Variants in UTY observed in about 807,000 individuals in gnomAD.
UTY encodes the protein ubiquitously transcribed tetratricopeptide repeat containing, Y-linked, also known as histone demethylase UTY.
Under a neutral mutation model 32.5 loss-of-function variants are expected in UTY, and 12 were observed. That is an observed-to-expected ratio of 0.37 (90% CI 0.24 to 0.60). UTY has a LOEUF of 0.60. UTY is among the 20% of genes least tolerant of loss of function. The pLI, the probability that UTY is intolerant of heterozygous loss-of-function variation, is 0.69. For synonymous variants in UTY, 131 were observed against 103.4 expected (o/e 1.27, Z -1.62); for missense variants, 303 against 299.2 (o/e 1.01, Z -0.09).
At chrY:13,458,300 A>T (rs2150158158) in intron 3 of UTY, among the ~76,000 whole-genome samples, 1 of 32,643 alleles carries the variant, frequency 3.1e-5, no homozygotes. Context: ...GGCTGGGTCA[A>T]ATGGTATTTC....
At chrY:13,251,831 GT>G (rs2054181215) in intron 28 of UTY, among the ~76,000 whole-genome samples, 1 of 33,385 alleles carries the variant, frequency 3.0e-5, no homozygotes, top group Non-Finnish European at 7.4e-5. Flanking sequence ...GAGAAAACAT[GT>G]CTTTCAATTT....
intron 4 of UTY, among the ~76,000 whole-genome samples, chrY:13,428,410 T>C (rs776527969): frequency 2.4e-4 from 8 of 33,715 alleles, no homozygotes; most frequent in Admixed American, 1.6e-3. Context: ...TATGTGGCTA[T>C]CCAATTTTCC....
intron 4 of UTY, among the ~76,000 whole-genome samples, chrY:13,446,965 T>A (rs1603466389): frequency 3.2e-5 from 1 of 31,325 alleles, no homozygotes. Flanking sequence ...TAAAAAAAAA[T>A]TTTTTTTTTA....
chrY:13,333,701 A>G, intron 18 of UTY, among the ~76,000 whole-genome samples: 2 of 34,220 alleles, frequency 5.8e-5, no homozygotes, highest in South Asian at 1.3e-3. Context: ...AGCAAATGCA[A>G]CAAAAGCCAA....
downstream of UTY, chrY:13,248,377 A>C (rs2053979502): frequency 2.9e-5 from 1 of 34,904 alleles, no homozygotes; most frequent in Non-Finnish European, 7.0e-5. Flanking sequence ...TGCTTCAGAA[A>C]GGAGAGGTAG....
chrY:13,389,974 G>A, intron 8 of UTY, among the ~76,000 whole-genome samples: 1 of 33,577 alleles, frequency 3.0e-5, no homozygotes, highest in Non-Finnish European at 7.4e-5. Flanking sequence ...GTCATCTTCA[G>A]CTTCCTTCAC....
chrY:13,361,769 A>G, intron 10 of UTY, among the ~76,000 whole-genome samples: 1 of 33,674 alleles, frequency 3.0e-5, no homozygotes, highest in East Asian at 7.8e-4. Flanking sequence ...AGAGATTTTA[A>G]TTTGGAATTT....
At chrY:13,295,454 A>G (rs2057973285) in intron 27 of UTY, among the ~76,000 whole-genome samples, 1 of 33,581 alleles carries the variant, frequency 3.0e-5, no homozygotes, top group African/African-American at 1.2e-4. Flanking sequence ...CATTGAATTT[A>G]GGGGAACAAA....
chrY:13,296,766 TTCA>T (rs2058056664), intron 27 of UTY, among the ~76,000 whole-genome samples: 1 of 32,817 alleles, frequency 3.0e-5, no homozygotes, highest in Non-Finnish European at 7.4e-5. Flanking sequence ...TCCCAGTAAG[TTCA>T]TCATTTCCAT....
At chrY:13,405,387 G>A in intron 6 of UTY, among the ~76,000 whole-genome samples, 2 of 32,708 alleles carry the variant, frequency 6.1e-5, no homozygotes, top group African/African-American at 2.4e-4. Context: ...GAAATATAGA[G>A]TAGAACAGTG....
chrY:13,434,991 G>A (rs2074393642), intron 4 of UTY, among the ~76,000 whole-genome samples: 1 of 33,090 alleles, frequency 3.0e-5, no homozygotes, highest in South Asian at 6.6e-4. Context: ...TCTGCACATG[G>A]AACATTCTCC....
intron 5 of UTY, 56 bp downstream of exon 5, chrY:13,414,679 G>C: frequency 3.3e-6 from 1 of 301,579 alleles, no homozygotes; most frequent in Non-Finnish European, 4.9e-6. Context: ...GGAAATGTAT[G>C]GTTACAGACA....
At chrY:13,457,861 C>A (rs2076899233) in intron 3 of UTY, among the ~76,000 whole-genome samples, 1 of 33,295 alleles carries the variant, frequency 3.0e-5, no homozygotes, top group South Asian at 6.6e-4. Context: ...CTATTAACAT[C>A]ATCAAAAATA....
chrY:13,265,149 T>C, intron 27 of UTY, among the ~76,000 whole-genome samples: 1 of 33,881 alleles, frequency 3.0e-5, no homozygotes, highest in Non-Finnish European at 7.3e-5. Context: ...TGTAGCCTTG[T>C]AGTATAGTTC....
At chrY:13,251,818 CAAGA>C (rs2054177676) in intron 28 of UTY, among the ~76,000 whole-genome samples, 1 of 33,500 alleles carries the variant, frequency 3.0e-5, no homozygotes, top group Non-Finnish European at 7.4e-5. Flanking sequence ...ATTAATCTAA[CAAGA>C]GAAAACATGT....
chrY:13,264,705 G>A, intron 27 of UTY, among the ~76,000 whole-genome samples: 2 of 32,681 alleles, frequency 6.1e-5, no homozygotes, highest in African/African-American at 2.4e-4. Context: ...CCATTCTGTA[G>A]GATGCCTATT....
At chrY:13,396,863 A>G in intron 7 of UTY, 55 bp downstream of exon 7, 2 of 237,688 alleles carry the variant, frequency 8.4e-6, no homozygotes, top group East Asian at 2.5e-4. Flanking sequence ...ATCAGTAGAA[A>G]AAAAGGTATC....
intron 4 of UTY, among the ~76,000 whole-genome samples, chrY:13,421,406 C>T: frequency 3.0e-5 from 1 of 33,303 alleles, no homozygotes; most frequent in Non-Finnish European, 7.4e-5. Context: ...AGTATATTCT[C>T]ACTATATTAT....
rs1337829723 is a variant in UTY, at chrY:13,479,335, C to T, written c.153-18G>A. 2.5e-6 allele frequency: 1 copy of T among 396,692 alleles called. No individual in the cohort carries two copies. Among genetic ancestry groups the T allele is most frequent in the Non-Finnish European group, 3.5e-6 (1 of 282,084 alleles). On this transcript the variant is annotated intron_variant, in intron 1 of 29. Transcript: ENST00000545955. ...AGAGACGGCTGTAGAGAGAGAGACA[C>T]AGAGCTTGTTAATGGTCTGAGAAAG...
Sources: gnomAD v4.1 joint callset for allele counts (sites outside exome capture counted in the v4.1 genomes callset) on GRCh38, gnomAD v4.1.1 for gene constraint, MANE v1.5 for transcripts, NCBI Gene and HGNC (gene_info 2026-07-23, HGNC 2026-07-21) for gene names.